The following RANBP2 variants were observed in gnomAD, a reference collection of about 807,000 sequenced individuals.
RANBP2 encodes the protein E3 SUMO-protein ligase RanBP2.
A neutral mutation model predicts 303.6 loss-of-function variants in RANBP2; 57 were observed. The ratio of observed to expected loss-of-function variants is 0.19; its 90% CI spans 0.15 to 0.23. The LOEUF (loss-of-function observed/expected upper bound fraction) is 0.23, where lower values mean the gene tolerates loss of function less well. Among genes scored for constraint, RANBP2 ranks in the 10% least tolerant of loss-of-function variants. The pLI, the probability that RANBP2 is intolerant of heterozygous loss-of-function variation, is 1.00. For synonymous variants in RANBP2, 1,167 were observed against 1,301.5 expected (o/e 0.90, Z 2.23); for missense variants, 3,138 against 3,780.8 (o/e 0.83, Z 4.46).
At chr2:109,449,338 T>C in the RANBP2 span, 5 of 1,603,932 alleles carry the variant, frequency 3.1e-6, no homozygotes, top group Non-Finnish European at 4.3e-6. Flanking sequence ...CGGCCGGCCA[T>C]CCCCCTCACA....
At chr2:109,537,401 A>T in the RANBP2 span, among the ~76,000 whole-genome samples, 7 of 152,350 alleles carry the variant, frequency 4.6e-5, no homozygotes, top group East Asian at 1.3e-3. Context: ...CAACATGGAC[A>T]TGAGGTACTA....
chr2:109,491,081 G>A, the RANBP2 span: 18 of 727,158 alleles, frequency 2.5e-5, no homozygotes, highest in East Asian at 6.2e-5. Flanking sequence ...ACATGGTCCC[G>A]AGCTTGGGTG....
the RANBP2 span, among the ~76,000 whole-genome samples, chr2:109,034,987 C>A: frequency 6.6e-6 from 1 of 152,162 alleles, no homozygotes; most frequent in Non-Finnish European, 1.5e-5. Context: ...TTAGGTAGGT[C>A]TGACACTTGG....
chr2:108,830,667 G>A, the RANBP2 span, among the ~76,000 whole-genome samples: 1 of 151,918 alleles, frequency 6.6e-6, no homozygotes, highest in African/African-American at 2.4e-5. Flanking sequence ...AACTAGCTGG[G>A]TGTTGTGGTG....
At chr2:109,060,352 G>A in the RANBP2 span, among the ~76,000 whole-genome samples, 1 of 152,126 alleles carries the variant, frequency 6.6e-6, no homozygotes, top group Non-Finnish European at 1.5e-5. Context: ...TCCAGGTTGG[G>A]CTGGTTACAT....
the RANBP2 span, among the ~76,000 whole-genome samples, chr2:109,625,087 C>CA: frequency 0.087 from 5,204 of 60,116 alleles, 321 homozygotes; most frequent in African/African-American, 0.19. Context: ...ACAACAACAA[C>CA]AAAAAAAAAA....
At chr2:109,462,144 A>T in the RANBP2 span, among the ~76,000 whole-genome samples, 3 of 149,590 alleles carry the variant, frequency 2.0e-5, no homozygotes, top group African/African-American at 7.4e-5. Flanking sequence ...CTTGCTCACT[A>T]GGTCCAGTCA....
the RANBP2 span, among the ~76,000 whole-genome samples, chr2:109,164,356 A>T: frequency 1.3e-5 from 2 of 152,050 alleles, 1 homozygote; most frequent in Non-Finnish European, 2.9e-5. Flanking sequence ...CTAATTTTTA[A>T]AAATTTTGTT....
the RANBP2 span, among the ~76,000 whole-genome samples, chr2:109,005,766 G>A: frequency 6.6e-6 from 1 of 152,172 alleles, no homozygotes; most frequent in Non-Finnish European, 1.5e-5. Flanking sequence ...ACAAAACTTT[G>A]CTTACCCTTC....
chr2:108,823,610 G>C, the RANBP2 span, among the ~76,000 whole-genome samples: 2 of 152,234 alleles, frequency 1.3e-5, no homozygotes, highest in Admixed American at 1.3e-4. Flanking sequence ...ATCTTAGGCA[G>C]TTGTAACACA....
At chr2:109,147,976 T>C in the RANBP2 span, among the ~76,000 whole-genome samples, 2 of 152,202 alleles carry the variant, frequency 1.3e-5, no homozygotes, top group Admixed American at 1.3e-4. Flanking sequence ...CTTTACAGGT[T>C]TGCTTAAGAT....
chr2:109,624,322 A>C, the RANBP2 span, among the ~76,000 whole-genome samples: 2 of 152,270 alleles, frequency 1.3e-5, no homozygotes, highest in East Asian at 1.9e-4. Context: ...AGGTAACATG[A>C]TGCATATTAT....
the RANBP2 span, among the ~76,000 whole-genome samples, chr2:108,925,766 C>T: frequency 2.0e-4 from 30 of 152,244 alleles, no homozygotes; most frequent in East Asian, 5.0e-3. Context: ...TACAGGCATG[C>T]ACCACGACGC....
At chr2:109,221,409 C>G in the RANBP2 span, among the ~76,000 whole-genome samples, 1 of 151,998 alleles carries the variant, frequency 6.6e-6, no homozygotes, top group Non-Finnish European at 1.5e-5. Flanking sequence ...ATGGCAAAAC[C>G]CTGTCTCTAC....
chr2:109,167,697 G>A, the RANBP2 span, among the ~76,000 whole-genome samples: 5 of 152,070 alleles, frequency 3.3e-5, no homozygotes, highest in Admixed American at 6.6e-5. Flanking sequence ...TCAGCCTCCC[G>A]AGTAGCTGGG....
the RANBP2 span, among the ~76,000 whole-genome samples, chr2:109,298,662 C>T: frequency 1.1e-4 from 17 of 152,142 alleles, no homozygotes; most frequent in African/African-American, 4.1e-4. Context: ...CGTGCTCCCT[C>T]TGGCCAGGCC....
the RANBP2 span, among the ~76,000 whole-genome samples, chr2:109,143,004 G>A: frequency 2.0e-5 from 3 of 152,076 alleles, no homozygotes; most frequent in Admixed American, 2.0e-4. Flanking sequence ...AGTGTGATTT[G>A]GCACTAGAGA....
At chr2:109,018,810 A>G in the RANBP2 span, among the ~76,000 whole-genome samples, 1 of 152,098 alleles carries the variant, frequency 6.6e-6, no homozygotes, top group African/African-American at 2.4e-5. Flanking sequence ...ACGTACAGCA[A>G]CACTTGTCCT....
chr2:108,803,335 T>C, the RANBP2 span, among the ~76,000 whole-genome samples: 1 of 152,234 alleles, frequency 6.6e-6, no homozygotes, highest in Admixed American at 6.5e-5. Flanking sequence ...CTCCCCACAC[T>C]CTGGCTCATA....
Sources: allele counts gnomAD v4.1 joint callset (sites outside exome capture counted in the v4.1 genomes callset), GRCh38; gene constraint gnomAD v4.1.1; transcripts MANE v1.5; gene names NCBI Gene and HGNC (gene_info 2026-07-23, HGNC 2026-07-21).